Variants in ZNF648 observed in about 807,000 individuals in gnomAD.
ZNF648 encodes zinc finger protein 648.
Under a neutral mutation model 0.3 loss-of-function variants are expected in ZNF648, and 1 was observed. That is an observed-to-expected ratio of 3.90 (90% confidence interval 1.39 to 18.51). The LOEUF is 18.51. Ranked by LOEUF, ZNF648 falls within the 30% of genes most tolerant of loss-of-function variation. ZNF648 has a pLI of 0.11. For missense variants in ZNF648, 874 were observed against 769.7 expected (o/e 1.14, Z -1.60); for synonymous variants, 376 against 326.8 (o/e 1.15, Z -1.62).
intron 1 of ZNF648, among the ~76,000 whole-genome samples, chr1:182,059,682 C>T (rs904983580): frequency 1.3e-4 from 20 of 151,542 alleles, no homozygotes; most frequent in Admixed American, 2.6e-4. Context: ...CTGGCTAACA[C>T]GGTGAAACCC....
chr1:182,067,306 C>T, the ZNF648 span, among the ~76,000 whole-genome samples: 1,551 of 152,294 alleles, frequency 0.01, 17 homozygotes, highest in Non-Finnish European at 0.016. Context: ...TGACTGTGAG[C>T]AAGTTGCTTA....
chr1:182,060,448 G>A (rs1666012311), intron 1 of ZNF648, among the ~76,000 whole-genome samples: 1 of 152,168 alleles, frequency 6.6e-6, no homozygotes, highest in African/African-American at 2.4e-5. Flanking sequence ...TATGAAGAGG[G>A]AGCAGTATGG....
Position 182,056,516 on chromosome 1 carries a change from A to G in ZNF648, c.1495T>C (p.Ser499Pro), listed in dbSNP as rs1184314763. Residue 499 changes from serine (S) to proline (P), a missense_variant, in exon 2 of 2, where the codon TCC becomes CCC. Ser to Pro is a moderately conservative substitution (Grantham distance 74). Coordinates refer to ENST00000339948, the MANE Select transcript of ZNF648 (RefSeq NM_001009992.1). ...GCACAGAGGAATCCCTTCTCCCCGG[A>G]GTGGATCTGTTGGTGCCGCTTCAGG... ...STLKRHQQIH[S>P]GEKGFLCAEC... 6.2e-7 allele frequency: 1 copy of G among 1,613,726 alleles called. No individual in the cohort carries two copies. The highest frequency in any genetic ancestry group is 8.5e-7 in the Non-Finnish European group (1 of 1,179,894).
upstream of ZNF648, among the ~76,000 whole-genome samples, chr1:182,065,358 A>C (rs1027029644): frequency 2.6e-5 from 4 of 152,170 alleles, no homozygotes; most frequent in Admixed American, 2.6e-4. Flanking sequence ...CCCAGAAGGC[A>C]TTCTTCTCCC....
At chr1:182,069,572 A>G in the ZNF648 span, among the ~76,000 whole-genome samples, 1 of 152,156 alleles carries the variant, frequency 6.6e-6, no homozygotes, top group African/African-American at 2.4e-5. Flanking sequence ...CCTATATTGA[A>G]CAGTAAGCAT....
At position 182,057,216 on chromosome 1, in the gene ZNF648, C is replaced by A. The variant is rs1277439896; in HGVS notation, c.795G>T (p.Pro265=). The A allele has an allele frequency of 6.4e-7, 1 of 1,567,316 alleles. No homozygotes were observed. Residue 265 remains proline (P), a synonymous_variant, in exon 2 of 2, where the codon CCG becomes CCT. Coordinates refer to ENST00000339948, the MANE Select transcript of ZNF648 (RefSeq NM_001009992.1). ...GGRAFQKPSK[P]LSPAETRGGA... ...CGCCGCGCGTCTCCGCGGGGCTCAG[C>A]GGCTTGCTGGGCTTCTGAAAGGCCC...
chr1:182,058,022 G>A lies in ZNF648; in HGVS notation c.-12C>T, dbSNP rs759910012. The A allele has an allele frequency of 3.8e-6, 6 of 1,586,914 alleles. No homozygotes were observed. The highest frequency in any genetic ancestry group is 2.7e-5 in the African/African-American group (2 of 73,918). ...TCCACTTGTGCCATGATGTTCAGGC[G>A]CTTCTATTGCCTACTCCTCTGAGGA... On this transcript the variant is annotated 5_prime_UTR_variant, in exon 2 of 2. Transcript: ENST00000339948.
rs1665954096 is a variant in ZNF648 at position 182,057,557 on chromosome 1, A to G, written c.454T>C (p.Tyr152His). 6.2e-7 allele frequency: 1 copy of G among 1,614,162 alleles called. No homozygotes were observed. Among genetic ancestry groups the G allele is most frequent in the Non-Finnish European group, 8.5e-7 (1 of 1,180,024 alleles). The change falls in exon 2 of 2, where the codon TAC becomes CAC. Residue 152 changes from tyrosine to histidine, a missense_variant. Tyr to His is a moderately conservative substitution (Grantham distance 83). Transcript: ENST00000339948. ...GDRLPAGDDG[Y>H]SGANQDAVLD... The stretch of plus-strand genomic sequence containing the variant: ...ACTGCGTCCTGGTTTGCCCCCGAGT[A>G]TCCATCATCACCCGCAGGTAGTCGG...
chr1:182,066,745 A>G, the ZNF648 span, among the ~76,000 whole-genome samples: 3 of 152,218 alleles, frequency 2.0e-5, no homozygotes, highest in Non-Finnish European at 2.9e-5. Context: ...GGGTTGTAAA[A>G]TAATCTGAAA....
chr1:182,065,142 G>A (rs1666082247), upstream of ZNF648, among the ~76,000 whole-genome samples: 1 of 152,192 alleles, frequency 6.6e-6, no homozygotes. Flanking sequence ...CAGCCACACA[G>A]TTCCTACATA....
Position 182,056,982 on chromosome 1 carries a change from G to T in ZNF648, c.1029C>A (p.Ala343=). 1 of 1,613,842 alleles carries T rather than the reference G, an allele frequency of 6.2e-7. No individual in the cohort carries two copies. Among genetic ancestry groups the T allele is most frequent in the Non-Finnish European group, 8.5e-7 (1 of 1,179,972 alleles). Residue 343 remains alanine, a synonymous_variant, in exon 2 of 2, where the codon GCC becomes GCA. Transcript: ENST00000339948. ...TGCGCAGGTCCGAAGAGCGCACGAA[G>T]GCCTTCCCGCAGTCTGGACACGGGT... ...KPYPCPDCGK[A]FVRSSDLRKH...
At chr1:182,066,095 T>G (rs1472172522), upstream of ZNF648, among the ~76,000 whole-genome samples, 3 of 152,250 alleles carry the variant, frequency 2.0e-5, no homozygotes, top group Non-Finnish European at 1.5e-5. Flanking sequence ...ATGTATTGGT[T>G]ATTATTTGCA....
upstream of ZNF648, chr1:182,063,177 A>G (rs1188079299): frequency 2.0e-5 from 3 of 152,204 alleles, no homozygotes; most frequent in African/African-American, 7.2e-5. Context: ...GCATGCATGT[A>G]TCTTTATAAT....
chr1:182,057,314 C>T lies in ZNF648; in HGVS notation c.697G>A (p.Val233Ile), dbSNP rs1665945601. ...VLAKARNSRK[V>I]QNQAGRREGG... ...TCGCGCCGGCCCGCCTGGTTCTGTA[C>T]TTTCCTGCTGTTCCGCGCTTTTGCC... The change falls in exon 2 of 2, where the codon GTA becomes ATA. Residue 233 changes from valine to isoleucine, a missense_variant. Transcript: ENST00000339948. 2 of 1,606,066 alleles carry T rather than the reference C, an allele frequency of 1.2e-6. No homozygotes were observed. Among genetic ancestry groups the T allele is most frequent in the East Asian group, 2.2e-5 (1 of 44,844 alleles).
At chr1:182,063,107 T>C (rs1484050994), upstream of ZNF648, 3 of 152,250 alleles carry the variant, frequency 2.0e-5, no homozygotes, top group African/African-American at 7.2e-5. Flanking sequence ...AGTCTATCAT[T>C]GATGGGCATT....
intron 1 of ZNF648, 45 bp from the exon 2 acceptor site, chr1:182,058,118 T>A: frequency 7.3e-7 from 1 of 1,372,404 alleles, no homozygotes; most frequent in Non-Finnish European, 9.9e-7. Context: ...AGAATGTACT[T>A]AATCACTTTC....
At chr1:182,059,673 T>G (rs1220043807) in intron 1 of ZNF648, among the ~76,000 whole-genome samples, 1 of 152,030 alleles carries the variant, frequency 6.6e-6, no homozygotes, top group Non-Finnish European at 1.5e-5. Flanking sequence ...GAGACCATTC[T>G]GGCTAACACG....
rs948566370 is a variant in ZNF648 at position 182,057,026 on chromosome 1, G to C, written c.985C>G (p.His329Asp). The C allele has an allele frequency of 6.2e-7, 1 of 1,613,600 alleles. No individual in the cohort carries two copies. The highest frequency in any genetic ancestry group is 8.5e-7 in the Non-Finnish European group (1 of 1,179,942). Reference sequence around the variant, plus strand: ...CACGGGTAGGGTTTCTCGCCTGTGTGGGTGCGGATGTGCTTCCGGTGGTCG... The same window carrying C: ...CACGGGTAGGGTTTCTCGCCTGTGTCGGTGCGGATGTGCTTCCGGTGGTCG... ...SSDHRKHIRT[H>D]TGEKPYPCPD... Residue 329 changes from histidine (H) to aspartate (D), a missense_variant, in exon 2 of 2, where the codon CAC becomes GAC. Coordinates refer to ENST00000339948, the MANE Select transcript of ZNF648 (RefSeq NM_001009992.1).
rs774010508 is a variant in ZNF648, at chr1:182,057,667, C to G, written c.344G>C (p.Gly115Ala). 6.2e-6 allele frequency: 10 copies of G among 1,614,086 alleles called. No individual in the cohort carries two copies. Among genetic ancestry groups the G allele is most frequent in the Non-Finnish European group, 7.6e-6 (9 of 1,180,046 alleles). The change falls in exon 2 of 2, where the codon GGT becomes GCT. Residue 115 changes from glycine to alanine, a missense_variant. Physicochemically the swap from Gly to Ala is moderately conservative, Grantham distance 60. Coordinates refer to ENST00000339948, the MANE Select transcript of ZNF648 (RefSeq NM_001009992.1). ...RDVTKINETQGSPGASRALGS... is the reference protein window; with the variant it reads ...RDVTKINETQASPGASRALGS... ...CAGAGCTCTGCTTGCTCCCGGGGAA[C>G]CCTGGGTCTCGTTGATCTTTGTCAC... is the stretch of plus-strand genomic sequence containing the variant.
Sources: gnomAD v4.1 joint callset for allele counts (sites outside exome capture counted in the v4.1 genomes callset) on GRCh38, gnomAD v4.1.1 for gene constraint, MANE v1.5 for transcripts, NCBI Gene and HGNC (gene_info 2026-07-23, HGNC 2026-07-21) for gene names.